The following CNOT4 variants were observed in gnomAD, a reference collection of about 807,000 sequenced individuals.
The protein encoded by CNOT4 is CCR4-associated factor 4.
A neutral mutation model predicts 73.8 loss-of-function variants in CNOT4; 8 were observed. That is an observed-to-expected ratio of 0.11 (90% CI 0.06 to 0.20). CNOT4 has a LOEUF of 0.20. Ranked by LOEUF, CNOT4 falls within the 10% of genes least tolerant of loss-of-function variation. The pLI, the probability that CNOT4 is intolerant of heterozygous loss-of-function variation, is 1.00. For missense variants in CNOT4, 564 were observed against 883.4 expected (o/e 0.64, Z 4.58); for synonymous variants, 293 against 321.1 (o/e 0.91, Z 0.94).
At chr7:135,400,808 G>T (rs981094669) in intron 7 of CNOT4, among the ~76,000 whole-genome samples, 1 of 152,062 alleles carries the variant, frequency 6.6e-6, no homozygotes, top group Non-Finnish European at 1.5e-5. Context: ...TATGGCAAGA[G>T]ACCAGTAAAT....
chr7:135,448,601 A>C (rs998836545), intron 1 of CNOT4, among the ~76,000 whole-genome samples: 1 of 152,026 alleles, frequency 6.6e-6, no homozygotes, highest in Non-Finnish European at 1.5e-5. Context: ...CCAGAGAAAA[A>C]TAAAGGCAAA....
chr7:135,495,335 T>C (rs1803403454), intron 1 of CNOT4, among the ~76,000 whole-genome samples: 1 of 151,844 alleles, frequency 6.6e-6, no homozygotes, highest in Non-Finnish European at 1.5e-5. Context: ...TGAAACCCTG[T>C]CTCTACTAAA....
chr7:135,453,826 T>TTATATATATATATATATATATA (rs55732572), intron 1 of CNOT4, among the ~76,000 whole-genome samples: 66 of 89,884 alleles, frequency 7.3e-4, no homozygotes, highest in Non-Finnish European at 1.4e-3. Flanking sequence ...TATATATATT[T>TTATATATATATATATATATATA]TATATATATA....
At chr7:135,509,670 T>C (rs1280729519) in intron 1 of CNOT4, 3 of 180,552 alleles carry the variant, frequency 1.7e-5, no homozygotes, top group Non-Finnish European at 3.4e-5. Flanking sequence ...CCGCGCTGCC[T>C]TCTGACCCGC....
At chr7:135,406,305 C>A (rs1797279136) in intron 7 of CNOT4, among the ~76,000 whole-genome samples, 2 of 95,906 alleles carry the variant, frequency 2.1e-5, no homozygotes, top group South Asian at 8.9e-4. Context: ...CCACCCCCCA[C>A]CCTCCCCCCC....
chr7:135,362,699 C>T lies in CNOT4; in HGVS notation c.*186G>A, dbSNP rs1794702540. On this transcript the variant is annotated 3_prime_UTR_variant, in exon 12 of 12. Coordinates refer to ENST00000541284, the MANE Select transcript of CNOT4 (RefSeq NM_001190850.2). ...AATGCTGGATCAACAAAAATTTTTACAATTAATAAAGAGATGGTAATGACC... is the reference window on the plus strand; with the variant it reads ...AATGCTGGATCAACAAAAATTTTTATAATTAATAAAGAGATGGTAATGACC... 1.4e-6 allele frequency: 1 copy of T among 738,826 alleles called. No individual in the cohort carries two copies. The highest frequency in any genetic ancestry group is 2.5e-6 in the Non-Finnish European group (1 of 406,718). The allele number at this position is 738,826 out of a possible 1,614,324, so 45.8% of individuals were successfully genotyped here.
intron 1 of CNOT4, among the ~76,000 whole-genome samples, chr7:135,445,645 A>G (rs925835455): frequency 1.3e-5 from 2 of 152,230 alleles, no homozygotes; most frequent in African/African-American, 4.8e-5. Flanking sequence ...ATATAAAACT[A>G]TAAGTAATAA....
At chr7:135,375,602 G>C (rs1795470340) in intron 10 of CNOT4, among the ~76,000 whole-genome samples, 3 of 152,152 alleles carry the variant, frequency 2.0e-5, no homozygotes, top group Non-Finnish European at 2.9e-5. Flanking sequence ...GACTCGCCTG[G>C]TAAGAAAAAT....
intron 1 of CNOT4, among the ~76,000 whole-genome samples, chr7:135,504,467 T>TGTA (rs1372065539): frequency 0.014 from 835 of 60,378 alleles, 216 homozygotes; most frequent in African/African-American, 0.026. Flanking sequence ...GGCTAATTTT[T>TGTA]TTTTTTTTTT....
chr7:135,388,928 T>C, intron 10 of CNOT4: 1 of 1,598,736 alleles, frequency 6.3e-7, no homozygotes, highest in Admixed American at 1.7e-5. Flanking sequence ...TAGTTATGGG[T>C]GACTAGATTT....
intron 10 of CNOT4, among the ~76,000 whole-genome samples, chr7:135,377,343 G>GT (rs1469836436): frequency 2.6e-5 from 4 of 152,128 alleles, no homozygotes; most frequent in Non-Finnish European, 5.9e-5. Flanking sequence ...TTCATCCACT[G>GT]TAACATATGT....
chr7:135,476,456 T>C (rs910934091), intron 1 of CNOT4, among the ~76,000 whole-genome samples: 10 of 152,172 alleles, frequency 6.6e-5, no homozygotes, highest in Non-Finnish European at 1.2e-4. Context: ...AAAACACTAA[T>C]TTTATGGTAA....
chr7:135,443,052 C>T (rs1453659253), intron 1 of CNOT4, among the ~76,000 whole-genome samples: 4 of 151,654 alleles, frequency 2.6e-5, no homozygotes, highest in Admixed American at 2.0e-4. Flanking sequence ...GAGTGAAACC[C>T]TGTCTCAACA....
At chr7:135,376,789 C>T (rs1422596211) in intron 10 of CNOT4, among the ~76,000 whole-genome samples, 1 of 152,170 alleles carries the variant, frequency 6.6e-6, no homozygotes, top group Non-Finnish European at 1.5e-5. Context: ...TTTAAATCAA[C>T]ATAACAAAAA....
chr7:135,430,059 C>G (rs1364516147), intron 2 of CNOT4, among the ~76,000 whole-genome samples: 1 of 152,064 alleles, frequency 6.6e-6, no homozygotes, highest in East Asian at 1.9e-4. Flanking sequence ...AACGAAGATA[C>G]CTAGTAGAGT....
intron 7 of CNOT4, among the ~76,000 whole-genome samples, chr7:135,401,810 C>T (rs1039133356): frequency 6.6e-6 from 1 of 152,148 alleles, no homozygotes; most frequent in Non-Finnish European, 1.5e-5. Flanking sequence ...ACTGACTACA[C>T]CTGTACTTCA....
chr7:135,468,421 C>T (rs976804830), intron 1 of CNOT4, among the ~76,000 whole-genome samples: 12 of 152,112 alleles, frequency 7.9e-5, no homozygotes, highest in African/African-American at 2.9e-4. Context: ...TGGCTCACAC[C>T]TGTAGTCCGA....
chr7:135,508,212 G>T (rs1804498392), intron 1 of CNOT4, among the ~76,000 whole-genome samples: 1 of 152,216 alleles, frequency 6.6e-6, no homozygotes, highest in Non-Finnish European at 1.5e-5. Context: ...GTATGTATTT[G>T]AACTATGTAA....
intron 10 of CNOT4, among the ~76,000 whole-genome samples, chr7:135,389,157 C>CAAAAAAAAAAAAAAAAAAAAAAACA (rs11292254): frequency 1.2e-5 from 1 of 83,670 alleles, no homozygotes; most frequent in African/African-American, 4.5e-5. Flanking sequence ...AACATACTAC[C>CAAAAAAAAAAAAAAAAAAAAAAACA]AAAAAAAAAA....
Sources: gnomAD v4.1 joint callset for allele counts (sites outside exome capture counted in the v4.1 genomes callset) on GRCh38, gnomAD v4.1.1 for gene constraint, MANE v1.5 for transcripts, NCBI Gene and HGNC (gene_info 2026-07-23, HGNC 2026-07-21) for gene names.